Variants in ASIC2 observed in about 807,000 individuals in gnomAD.
ASIC2 encodes the protein acid sensing ion channel subunit 2, also known as acid-sensing ion channel 2.
ASIC2 carries 25 observed loss-of-function variants against 57.3 expected under a neutral mutation model. The observed-to-expected ratio is 0.44, with a 90% CI of 0.32 to 0.61. ASIC2 has a LOEUF of 0.61. ASIC2 is among the 20% of genes least tolerant of loss of function. The pLI is 0.06. For synonymous variants in ASIC2, 319 were observed against 307.5 expected (o/e 1.04, Z -0.39); for missense variants, 641 against 738.1 (o/e 0.87, Z 1.52).
rs115531258 is a variant in ASIC2 at position 33,244,325 on chromosome 17, A to G, written c.708+47083T>C. Reference sequence around the variant, plus strand: ...GGTGATCATCCATTGACTGGAGAAAACCATGTAGACAACCGGACTGGAAAA... The same window carrying G: ...GGTGATCATCCATTGACTGGAGAAAGCCATGTAGACAACCGGACTGGAAAA... On this transcript the variant is annotated intron_variant, in intron 1 of 9. Transcript: ENST00000225823. Among the ~76,000 whole-genome samples, 759 of 152,030 alleles carry G rather than the reference A, an allele frequency of 5.0e-3. 7 individuals are homozygous for G. The highest frequency in any genetic ancestry group is 0.017 in the African/African-American group (719 of 41,456).
intron 1 of ASIC2, among the ~76,000 whole-genome samples, chr17:33,935,186 C>A (rs1046885892): frequency 1.3e-5 from 2 of 152,246 alleles, no homozygotes; most frequent in African/African-American, 4.8e-5. Flanking sequence ...ATCTGGAACA[C>A]CCTGCCCTTT....
intron 1 of ASIC2, among the ~76,000 whole-genome samples, chr17:33,210,147 C>G (rs1907216551): frequency 6.6e-6 from 1 of 152,182 alleles, no homozygotes; most frequent in Admixed American, 6.5e-5. Context: ...GCCCATGTTT[C>G]TCCACCTCAC....
chr17:33,050,492 G>T lies in ASIC2; in HGVS notation c.988-22100C>A, dbSNP rs1214178215. On this transcript the variant is annotated intron_variant, in intron 3 of 9. Transcript: ENST00000225823. ...AGTCTGTGCTCAAAAATATTAGGTT[G>T]CCTATCCCACTTCCCTCTTCCCTAA... 2.6e-5 allele frequency among the ~76,000 whole-genome samples: 4 copies of T among 152,242 alleles called. No homozygotes were observed. The East Asian group carries it at 5.8e-4, about 22-fold the overall frequency.
intron 1 of ASIC2, among the ~76,000 whole-genome samples, chr17:33,424,461 G>A (rs190162849): frequency 1.3e-5 from 2 of 152,312 alleles, no homozygotes; most frequent in Admixed American, 6.5e-5. Flanking sequence ...AAACACTGGA[G>A]GAATTAAAAG....
intron 1 of ASIC2, among the ~76,000 whole-genome samples, chr17:33,799,138 G>T (rs948901209): frequency 6.6e-6 from 1 of 152,158 alleles, no homozygotes. Context: ...TTTGTAAGTG[G>T]ACTTGTTACC....
chr17:33,433,658 G>A (rs906022400), intron 1 of ASIC2, among the ~76,000 whole-genome samples: 2 of 152,162 alleles, frequency 1.3e-5, no homozygotes, highest in African/African-American at 4.8e-5. Flanking sequence ...GCTGAGACAG[G>A]AGAATCGCTT....
At chr17:33,778,918 C>T (rs997114227) in intron 1 of ASIC2, among the ~76,000 whole-genome samples, 1 of 152,148 alleles carries the variant, frequency 6.6e-6, no homozygotes, top group Non-Finnish European at 1.5e-5. Flanking sequence ...CTAACTTATG[C>T]TATGTTTAAG....
intron 1 of ASIC2, among the ~76,000 whole-genome samples, chr17:33,816,004 G>C (rs1912568445): frequency 6.6e-6 from 1 of 152,148 alleles, no homozygotes. Context: ...TATTACATAG[G>C]GAAGTGCACA....
At chr17:34,022,892 T>C (rs573233076) in intron 1 of ASIC2, among the ~76,000 whole-genome samples, 1 of 152,116 alleles carries the variant, frequency 6.6e-6, no homozygotes, top group African/African-American at 2.4e-5. Context: ...TGGTGGGAGG[T>C]GACTGGATCA....
intron 1 of ASIC2, among the ~76,000 whole-genome samples, chr17:33,796,324 G>A (rs1330860457): frequency 6.6e-6 from 1 of 152,090 alleles, no homozygotes; most frequent in African/African-American, 2.4e-5. Flanking sequence ...TCTAGTATCT[G>A]CCAGTTTGTG....
chr17:33,132,241 C>T, intron 1 of ASIC2, among the ~76,000 whole-genome samples: 1 of 152,182 alleles, frequency 6.6e-6, no homozygotes, highest in East Asian at 1.9e-4. Context: ...GCAATGTGAG[C>T]CAAATCGCCT....
chr17:34,127,225 T>TC (rs1031244175), intron 1 of ASIC2, among the ~76,000 whole-genome samples: 10 of 152,156 alleles, frequency 6.6e-5, no homozygotes, highest in African/African-American at 1.9e-4. Flanking sequence ...TCGGGGCTTT[T>TC]CAAACTAGAA....
intron 1 of ASIC2, among the ~76,000 whole-genome samples, chr17:33,878,851 CAG>C (rs1319153753): frequency 6.6e-6 from 1 of 152,126 alleles, no homozygotes; most frequent in Non-Finnish European, 1.5e-5. Flanking sequence ...TAAGGGCAGC[CAG>C]AGAGAAAGGT....
At chr17:33,240,860 G>GCAAA (rs1249124673) in intron 1 of ASIC2, among the ~76,000 whole-genome samples, 166 of 152,254 alleles carry the variant, frequency 1.1e-3, no homozygotes, top group African/African-American at 3.6e-3. Context: ...GCAAAGCAAA[G>GCAAA]CAAACAAACA....
At chr17:34,046,184 G>A (rs1213296606) in intron 1 of ASIC2, among the ~76,000 whole-genome samples, 2 of 152,182 alleles carry the variant, frequency 1.3e-5, no homozygotes, top group South Asian at 2.1e-4. Context: ...CAGGTAAGAT[G>A]AGCAGAAGAA....
chr17:33,549,384 C>T (rs547743015), intron 1 of ASIC2, among the ~76,000 whole-genome samples: 8 of 152,208 alleles, frequency 5.3e-5, no homozygotes, highest in South Asian at 2.1e-4. Context: ...GCTTGGGGTC[C>T]GTGCAAGTCT....
intron 1 of ASIC2, among the ~76,000 whole-genome samples, chr17:33,945,250 G>A (rs1454634241): frequency 1.3e-5 from 2 of 152,066 alleles, no homozygotes; most frequent in Non-Finnish European, 2.9e-5. Context: ...GTCTGCCAGA[G>A]GAGTGACATG....
intron 1 of ASIC2, among the ~76,000 whole-genome samples, chr17:33,370,052 T>G (rs111364806): frequency 1.3e-5 from 2 of 152,190 alleles, no homozygotes; most frequent in Non-Finnish European, 2.9e-5. Context: ...CAACCAATGA[T>G]GTGGCTGAGA....
intron 1 of ASIC2, chr17:34,080,766 G>GAC (rs1909847882): frequency 6.6e-6 from 1 of 152,226 alleles, no homozygotes; most frequent in African/African-American, 2.4e-5. Context: ...GAGCAATCAA[G>GAC]ACAGTCCTGC....
Sources: allele counts gnomAD v4.1 joint callset (sites outside exome capture counted in the v4.1 genomes callset), GRCh38; gene constraint gnomAD v4.1.1; transcripts MANE v1.5; gene names NCBI Gene and HGNC (gene_info 2026-07-23, HGNC 2026-07-21).